RLN2: variants seen among roughly 807,000 people sequenced by gnomAD.
RLN2 encodes the protein prorelaxin H2.
A neutral mutation model predicts 7.3 loss-of-function variants in RLN2; 10 were observed. The observed-to-expected ratio is 1.36, with a 90% CI of 0.84 to 2.31. The LOEUF is 2.31. RLN2 is among the 30% of genes most tolerant of loss of function. The pLI, the probability that RLN2 is intolerant of heterozygous loss-of-function variation, is 0.00. For missense variants in RLN2, 298 were observed against 217.6 expected, an observed-to-expected ratio of 1.37 and a Z score of -2.32; for synonymous variants, 103 against 82.3, an observed-to-expected ratio of 1.25 and a Z score of -1.36.
chr9:5,312,061 G>A, the RLN2 span, among the ~76,000 whole-genome samples: 4 of 151,676 alleles, frequency 2.6e-5, no homozygotes, highest in Non-Finnish European at 4.4e-5. Flanking sequence ...ATTGTTTTTG[G>A]GGGAAGGGGC....
chr9:5,305,355 C>T (rs1326123920), upstream of RLN2, among the ~76,000 whole-genome samples: 2 of 125,684 alleles, frequency 1.6e-5, no homozygotes, highest in East Asian at 2.7e-4. Flanking sequence ...GACTGGAGAA[C>T]ATACCACACA....
Position 5,300,005 on chromosome 9 carries a change from T to G in RLN2, c.*93A>C. 1.4e-6 allele frequency: 1 copy of G among 727,458 alleles called. No homozygotes were observed. Among genetic ancestry groups the G allele is most frequent in the Non-Finnish European group, 2.2e-6 (1 of 447,782 alleles). The allele number at this position is 727,458 out of a possible 1,614,324, so 45.1% of individuals were successfully genotyped here. On this transcript the variant is annotated 3_prime_UTR_variant, in exon 2 of 2. Coordinates refer to ENST00000381627, the MANE Select transcript of RLN2 (RefSeq NM_134441.3). ...ATATCTAACAAAGATTCTTAGATAT[T>G]CTAAGAATTGATGGGACCTGATAGA...
the RLN2 span, among the ~76,000 whole-genome samples, chr9:5,327,737 C>A: frequency 6.6e-6 from 1 of 152,038 alleles, no homozygotes; most frequent in African/African-American, 2.4e-5. Flanking sequence ...ATTTGCTGTT[C>A]TGTAGCCTCC....
At chr9:5,309,558 C>T (rs184850656), upstream of RLN2, among the ~76,000 whole-genome samples, 36 of 152,086 alleles carry the variant, frequency 2.4e-4, no homozygotes, top group Non-Finnish European at 3.4e-4. Flanking sequence ...TTTCCCTGTC[C>T]CTCCTCCGCC....
At chr9:5,324,567 A>G in the RLN2 span, among the ~76,000 whole-genome samples, 1 of 151,992 alleles carries the variant, frequency 6.6e-6, no homozygotes, top group African/African-American at 2.4e-5. Flanking sequence ...AACTGAACCT[A>G]ACCAGGAATT....
intron 1 of RLN2, among the ~76,000 whole-genome samples, chr9:5,301,979 G>A (rs1379228818): frequency 6.6e-6 from 1 of 152,120 alleles, no homozygotes; most frequent in African/African-American, 2.4e-5. Flanking sequence ...GACATCCTAA[G>A]TTTAATTCAA....
At chr9:5,323,794 C>G in the RLN2 span, among the ~76,000 whole-genome samples, 1 of 151,852 alleles carries the variant, frequency 6.6e-6, no homozygotes, top group Admixed American at 6.6e-5. Flanking sequence ...GCCTGTAATC[C>G]CAGCAATTTG....
chr9:5,324,489 C>T, the RLN2 span, among the ~76,000 whole-genome samples: 1 of 151,990 alleles, frequency 6.6e-6, no homozygotes, highest in South Asian at 2.1e-4. Flanking sequence ...AATCCTATTA[C>T]CATAATGAAA....
At chr9:5,320,030 G>C in the RLN2 span, among the ~76,000 whole-genome samples, 1 of 148,606 alleles carries the variant, frequency 6.7e-6, no homozygotes, top group Non-Finnish European at 1.5e-5. Context: ...CTGTCACCCA[G>C]ACCAGAGTGA....
At chr9:5,316,267 T>G in the RLN2 span, among the ~76,000 whole-genome samples, 2 of 152,078 alleles carry the variant, frequency 1.3e-5, no homozygotes, top group African/African-American at 4.8e-5. Flanking sequence ...TTTCTTCTGC[T>G]TTTTTGTTAT....
At chr9:5,310,803 C>G in the RLN2 span, among the ~76,000 whole-genome samples, 2 of 152,018 alleles carry the variant, frequency 1.3e-5, no homozygotes, top group Admixed American at 1.3e-4. Context: ...ATTTATGTCA[C>G]TTAAACAGAA....
the RLN2 span, chr9:5,335,288 A>G: frequency 6.2e-7 from 1 of 1,601,096 alleles, no homozygotes; most frequent in East Asian, 2.2e-5. Context: ...GGTACAACCA[A>G]TTAGGCAACA....
the RLN2 span, among the ~76,000 whole-genome samples, chr9:5,311,291 T>G: frequency 6.6e-6 from 1 of 151,984 alleles, no homozygotes; most frequent in Admixed American, 6.6e-5. Context: ...TGTGTATGTG[T>G]GCATGTATAT....
the RLN2 span, among the ~76,000 whole-genome samples, chr9:5,318,345 T>C: frequency 6.6e-6 from 1 of 151,998 alleles, no homozygotes; most frequent in African/African-American, 2.4e-5. Flanking sequence ...GAACATCTCG[T>C]AATAATATGA....
At chr9:5,328,329 T>G in the RLN2 span, among the ~76,000 whole-genome samples, 2 of 151,762 alleles carry the variant, frequency 1.3e-5, no homozygotes, top group African/African-American at 4.8e-5. Flanking sequence ...AAGATCAAAT[T>G]AATGAAATAA....
At chr9:5,335,061 G>A in the RLN2 span, 3 of 486,646 alleles carry the variant, frequency 6.2e-6, no homozygotes, top group Non-Finnish European at 1.1e-5. Context: ...AAAGACTTCA[G>A]CATAGAAAGT....
the RLN2 span, among the ~76,000 whole-genome samples, chr9:5,320,446 C>T: frequency 2.6e-5 from 4 of 152,032 alleles, no homozygotes; most frequent in African/African-American, 9.7e-5. Context: ...TCTCGGCTCA[C>T]TGCAACCTCC....
upstream of RLN2, among the ~76,000 whole-genome samples, chr9:5,308,970 A>G (rs924431899): frequency 3.3e-5 from 5 of 151,990 alleles, no homozygotes; most frequent in African/African-American, 7.3e-5. Flanking sequence ...TGCAACACCC[A>G]CGTGGCCCTG....
the RLN2 span, among the ~76,000 whole-genome samples, chr9:5,321,091 G>T: frequency 6.6e-6 from 1 of 152,198 alleles, no homozygotes; most frequent in East Asian, 1.9e-4. Flanking sequence ...TACTAAAGCA[G>T]AATTTTTGAA....
Sources: allele counts gnomAD v4.1 joint callset (sites outside exome capture counted in the v4.1 genomes callset), GRCh38; gene constraint gnomAD v4.1.1; transcripts MANE v1.5; gene names NCBI Gene and HGNC (gene_info 2026-07-23, HGNC 2026-07-21).